CSMD1: variants seen among roughly 807,000 people sequenced by gnomAD.
The protein encoded by CSMD1 is CUB and sushi domain-containing protein 1.
CSMD1 carries 213 observed loss-of-function variants against 417.5 expected under a neutral mutation model. That is an observed-to-expected ratio of 0.51 (90% CI 0.46 to 0.57). The LOEUF (loss-of-function observed/expected upper bound fraction) is 0.57. CSMD1 is among the 20% of genes least tolerant of loss of function. CSMD1 has a pLI of 0.00. For missense variants in CSMD1, 6,923 were observed against 4,529.7 expected (o/e 1.53, Z -15.17); for synonymous variants, 2,862 against 1,736.8 (o/e 1.65, Z -16.11).
intron 39 of CSMD1, among the ~76,000 whole-genome samples, chr8:3,155,997 G>A (rs1236837833): frequency 6.6e-6 from 1 of 152,208 alleles, no homozygotes; most frequent in East Asian, 1.9e-4. Flanking sequence ...TATTTGAGAT[G>A]TGGGGAAATT....
chr8:4,704,915 A>T (rs1807822048), intron 1 of CSMD1, among the ~76,000 whole-genome samples: 1 of 152,192 alleles, frequency 6.6e-6, no homozygotes, highest in South Asian at 2.1e-4. Flanking sequence ...GTTTTAATAA[A>T]GTCTTAGTAA....
chr8:4,194,509 T>C (rs779132), intron 3 of CSMD1, among the ~76,000 whole-genome samples: 96,072 of 152,014 alleles, frequency 0.63, 30,900 homozygotes, highest in East Asian at 0.8. Context: ...ATGTAAATAA[T>C]GCCAGGAAGC....
In CSMD1 at chr8:3,705,026, C is replaced by G. The variant is rs939931283; in HGVS notation, c.1009+3388G>C. ...CTCTCGAATTCACCAAAACCTTGAA[C>G]ATTTTCTATCACCATGACAGGGTCC... On this transcript the variant is annotated intron_variant, in intron 7 of 69. Coordinates refer to ENST00000635120, the MANE Select transcript of CSMD1 (RefSeq NM_033225.6). Among the ~76,000 whole-genome samples, 7 of 152,292 alleles carry G rather than the reference C, an allele frequency of 4.6e-5. No homozygotes were observed. In the East Asian group the frequency reaches 1.4e-3, roughly 29 times the overall value.
chr8:4,065,654 A>C (rs1479029878), intron 3 of CSMD1, among the ~76,000 whole-genome samples: 2 of 152,210 alleles, frequency 1.3e-5, no homozygotes, highest in African/African-American at 4.8e-5. Flanking sequence ...AATGCCTTTT[A>C]GCCATGACAC....
At chr8:4,515,051 C>G (rs1019930119) in intron 2 of CSMD1, among the ~76,000 whole-genome samples, 1 of 152,154 alleles carries the variant, frequency 6.6e-6, no homozygotes, top group Non-Finnish European at 1.5e-5. Flanking sequence ...GAACTACACT[C>G]CACACCCAGA....
At chr8:3,162,461 T>G (rs2129040486) in intron 37 of CSMD1, among the ~76,000 whole-genome samples, 184 bp from the exon 38 acceptor site, 1 of 152,316 alleles carries the variant, frequency 6.6e-6, no homozygotes, top group East Asian at 1.9e-4. Context: ...GAGTTAATTG[T>G]TAAAAATTAA....
chr8:4,502,507 G>A (rs981830588), intron 2 of CSMD1, among the ~76,000 whole-genome samples: 2 of 152,200 alleles, frequency 1.3e-5, no homozygotes, highest in African/African-American at 2.4e-5. Context: ...CCATGACCAC[G>A]TCATTCCATG....
intron 1 of CSMD1, among the ~76,000 whole-genome samples, chr8:4,669,810 A>G (rs1002513573): frequency 1.3e-5 from 2 of 152,210 alleles, no homozygotes; most frequent in African/African-American, 2.4e-5. Flanking sequence ...TTAAGTAGCA[A>G]TATTTGGAAA....
chr8:3,426,984 C>T (rs375058906), intron 12 of CSMD1, among the ~76,000 whole-genome samples: 3 of 152,092 alleles, frequency 2.0e-5, no homozygotes, highest in East Asian at 1.9e-4. Flanking sequence ...CTTCACAAGG[C>T]GGCATGAAGG....
At chr8:4,411,090 T>A (rs568890310) in intron 3 of CSMD1, among the ~76,000 whole-genome samples, 1 of 152,204 alleles carries the variant, frequency 6.6e-6, no homozygotes, top group South Asian at 2.1e-4. Context: ...CAAGGCCCCC[T>A]CCACGTGTGG....
intron 5 of CSMD1, among the ~76,000 whole-genome samples, chr8:3,872,834 A>T (rs1229079750): frequency 7.2e-6 from 1 of 139,096 alleles, no homozygotes; most frequent in Non-Finnish European, 1.6e-5. Flanking sequence ...ACAATAAGAC[A>T]GCTCCAAAAA....
intron 2 of CSMD1, among the ~76,000 whole-genome samples, chr8:4,435,875 C>A (rs887991238): frequency 3.3e-5 from 5 of 152,110 alleles, no homozygotes; most frequent in African/African-American, 4.8e-5. Flanking sequence ...ACTGTGTGAC[C>A]CTGAGAGTGG....
At chr8:4,108,230 A>G (rs1054542560) in intron 3 of CSMD1, among the ~76,000 whole-genome samples, 4 of 152,182 alleles carry the variant, frequency 2.6e-5, no homozygotes, top group African/African-American at 7.2e-5. Context: ...CTTCGTAAAC[A>G]TTTAATATTT....
chr8:3,419,042 A>C (rs2116965600), intron 12 of CSMD1, among the ~76,000 whole-genome samples: 1 of 152,322 alleles, frequency 6.6e-6, no homozygotes, highest in African/African-American at 2.4e-5. Flanking sequence ...GCATACAAAT[A>C]GTTAATGCTC....
chr8:3,557,809 GTTGA>G (rs2116830428), intron 10 of CSMD1, among the ~76,000 whole-genome samples: 1 of 152,204 alleles, frequency 6.6e-6, no homozygotes, highest in South Asian at 2.1e-4. Context: ...TTGTTTCTAG[GTTGA>G]TTATTAATAG....
At chr8:3,823,845 T>G (rs1801886782) in intron 5 of CSMD1, among the ~76,000 whole-genome samples, 1 of 152,192 alleles carries the variant, frequency 6.6e-6, no homozygotes, top group Non-Finnish European at 1.5e-5. Context: ...TAAAAAATTT[T>G]TAAATTAACT....
chr8:3,229,259 T>C (rs1798688898), intron 27 of CSMD1, among the ~76,000 whole-genome samples: 1 of 152,184 alleles, frequency 6.6e-6, no homozygotes. Flanking sequence ...TCAGACAGAT[T>C]ATAAAGAAGT....
At chr8:4,924,495 G>C (rs898768533) in intron 1 of CSMD1, among the ~76,000 whole-genome samples, 23 of 152,174 alleles carry the variant, frequency 1.5e-4, no homozygotes, top group Non-Finnish European at 2.2e-4. Flanking sequence ...GGCTGGGGCG[G>C]GTAGATCACC....
intron 5 of CSMD1, among the ~76,000 whole-genome samples, chr8:3,828,910 G>C (rs551217310): frequency 1.3e-5 from 2 of 152,218 alleles, no homozygotes; most frequent in South Asian, 2.1e-4. Context: ...GTGGCCTTCA[G>C]CTCACCCATT....
Sources: gnomAD v4.1 joint callset for allele counts (sites outside exome capture counted in the v4.1 genomes callset) on GRCh38, gnomAD v4.1.1 for gene constraint, MANE v1.5 for transcripts, NCBI Gene and HGNC (gene_info 2026-07-23, HGNC 2026-07-21) for gene names.